Variants in PLD1 observed in about 807,000 individuals in gnomAD.
The protein encoded by PLD1 is phospholipase D1.
Under a neutral mutation model 137.1 loss-of-function variants are expected in PLD1, and 112 were observed. The ratio of observed to expected loss-of-function variants is 0.82; its 90% CI spans 0.70 to 0.96. PLD1 has a LOEUF of 0.96. PLD1 is among the 40% of genes least tolerant of loss of function. The pLI is 0.00. For synonymous variants in PLD1, 431 were observed against 454.7 expected (o/e 0.95, Z 0.66); for missense variants, 1,321 against 1,342.0 (o/e 0.98, Z 0.24).
At chr3:171,625,887 C>T (rs1734062010) in intron 23 of PLD1, among the ~76,000 whole-genome samples, 1 of 152,112 alleles carries the variant, frequency 6.6e-6, no homozygotes, top group Admixed American at 6.5e-5. Context: ...GTACATAAAA[C>T]CACAAAGATG....
At position 171,669,628 on chromosome 3, in the gene PLD1, T is replaced by C. The variant is rs948265942; in HGVS notation, c.2229+4872A>G. On this transcript the variant is annotated intron_variant, in intron 19 of 26. Transcript: ENST00000351298. ...ATTGGCCAGGCTGGTCTCGAACTCC[T>C]GACCTCAAGTAATCCACCTGCCTTG... Among the ~76,000 whole-genome samples, 6 of 152,376 alleles carry C rather than the reference T, an allele frequency of 3.9e-5. No individual in the cohort carries two copies. In the South Asian group the frequency reaches 1.2e-3, roughly 32 times the overall value.
chr3:171,641,892 T>C (rs772411946), intron 23 of PLD1, among the ~76,000 whole-genome samples: 14 of 152,222 alleles, frequency 9.2e-5, no homozygotes, highest in Non-Finnish European at 1.9e-4. Flanking sequence ...TCTTCTTGCC[T>C]TCTGGATAAA....
At chr3:171,746,829 A>G (rs1286901519) in intron 1 of PLD1, among the ~76,000 whole-genome samples, 1 of 152,214 alleles carries the variant, frequency 6.6e-6, no homozygotes, top group African/African-American at 2.4e-5. Context: ...TAAGGCAATA[A>G]AAGCAGGCTG....
chr3:171,731,243 T>C lies in PLD1; in HGVS notation c.606+2201A>G, dbSNP rs191055898. Among the ~76,000 whole-genome samples the C allele has an allele frequency of 1.3e-5, 2 of 152,338 alleles. 1 individual carries two copies. Among genetic ancestry groups the C allele is most frequent in the Admixed American group, 1.3e-4 (2 of 15,308 alleles). On this transcript the variant is annotated intron_variant, in intron 6 of 26. Coordinates refer to ENST00000351298, the MANE Select transcript of PLD1 (RefSeq NM_002662.5). ...GTTAAAATAACTTTTAATATGCTTTTTACAGACAGTAAAGCATTTTTTAAC... is the reference window on the plus strand; with the variant it reads ...GTTAAAATAACTTTTAATATGCTTTCTACAGACAGTAAAGCATTTTTTAAC...
At chr3:171,809,790 GGAA>G (rs1049127133) in intron 1 of PLD1, 4 of 152,298 alleles carry the variant, frequency 2.6e-5, no homozygotes, top group South Asian at 4.1e-4. Flanking sequence ...CGTATTGTGA[GGAA>G]GAAGACCTTT....
chr3:171,714,048 G>A lies in PLD1; in HGVS notation c.759-3C>T, dbSNP rs1472159233. 6.4e-7 allele frequency: 1 copy of A among 1,566,782 alleles called. No individual in the cohort carries two copies. The highest frequency in any genetic ancestry group is 1.4e-5 in the African/African-American group (1 of 73,738). ...AGGAATCTTTCACTATTAACCATCT[G>A]TAAGAAGGTAGTAAGTATTTTTAAA... is the stretch of plus-strand genomic sequence containing the variant. On this transcript the variant is annotated splice_polypyrimidine_tract_variant and splice_region_variant and intron_variant, in intron 8 of 26. Coordinates refer to ENST00000351298, the MANE Select transcript of PLD1 (RefSeq NM_002662.5).
At chr3:171,737,458 G>T in intron 3 of PLD1, 74 bp downstream of exon 3, 1 of 1,266,996 alleles carries the variant, frequency 7.9e-7, no homozygotes. Context: ...CTAAGAGGGA[G>T]GAAAATGAAA....
chr3:171,620,753 T>TA (rs1247955834), intron 23 of PLD1, among the ~76,000 whole-genome samples: 1 of 138,204 alleles, frequency 7.2e-6, no homozygotes, highest in African/African-American at 3.0e-5. Context: ...TATATATATA[T>TA]ATATATATAT....
At chr3:171,708,874 AAAAAG>A (rs1373322207) in intron 10 of PLD1, 36 bp from the exon 11 acceptor site, 6 of 1,321,770 alleles carry the variant, frequency 4.5e-6, no homozygotes, top group Admixed American at 1.8e-5. Flanking sequence ...TTTGTTATTA[AAAAAG>A]AAAAGAAAAG....
chr3:171,636,541 A>T (rs1735147298), intron 23 of PLD1, among the ~76,000 whole-genome samples: 1 of 151,850 alleles, frequency 6.6e-6, no homozygotes, highest in African/African-American at 2.4e-5. Context: ...TTTAAATCGA[A>T]TTGTTTTCTT....
chr3:171,679,340 T>TA (rs1383800529), intron 16 of PLD1, among the ~76,000 whole-genome samples: 2 of 152,328 alleles, frequency 1.3e-5, no homozygotes, highest in East Asian at 1.9e-4. Context: ...GAAATCATGT[T>TA]AAAAATAGAC....
At chr3:171,691,906 T>C (rs926456148) in intron 13 of PLD1, among the ~76,000 whole-genome samples, 1 of 152,214 alleles carries the variant, frequency 6.6e-6, no homozygotes, top group African/African-American at 2.4e-5. Flanking sequence ...ACTTTATTAG[T>C]ATTTTATACT....
intron 12 of PLD1, among the ~76,000 whole-genome samples, chr3:171,693,363 T>C (rs545123882): frequency 6.6e-6 from 1 of 152,074 alleles, no homozygotes; most frequent in African/African-American, 2.4e-5. Flanking sequence ...CAATAGCTAA[T>C]AGTATAGAAA....
intron 1 of PLD1, among the ~76,000 whole-genome samples, chr3:171,784,170 C>T (rs1722901424): frequency 6.6e-6 from 1 of 152,080 alleles, no homozygotes; most frequent in Non-Finnish European, 1.5e-5. Flanking sequence ...AACAAATTGG[C>T]TATCAGAGAA....
chr3:171,684,411 T>C (rs1714341032), intron 16 of PLD1, among the ~76,000 whole-genome samples: 1 of 152,102 alleles, frequency 6.6e-6, no homozygotes, highest in Non-Finnish European at 1.5e-5. Context: ...GCATGCACTC[T>C]TGACCTGGCT....
At chr3:171,689,921 G>A (rs575155133) in intron 13 of PLD1, among the ~76,000 whole-genome samples, 1 of 152,314 alleles carries the variant, frequency 6.6e-6, no homozygotes, top group South Asian at 2.1e-4. Flanking sequence ...ATGAGTTAGA[G>A]AGTCTTCTCT....
chr3:171,758,087 TG>T (rs553768490), intron 1 of PLD1, among the ~76,000 whole-genome samples: 19 of 152,236 alleles, frequency 1.2e-4, no homozygotes, highest in Admixed American at 3.3e-4. Flanking sequence ...ATGCCAGGCA[TG>T]TGGTAGATGT....
intron 3 of PLD1, 77 bp downstream of exon 3, chr3:171,737,455 G>T (rs1361645783): frequency 1.6e-6 from 2 of 1,214,714 alleles, no homozygotes; most frequent in African/African-American, 1.5e-5. Flanking sequence ...TAGCTAAGAG[G>T]GAGGAAAATG....
Position 171,659,254 on chromosome 3 carries a change from C to T in PLD1, c.2388G>A (p.Lys796=). ...TCCTCTGGGCAATGGCATCGCCTAT[C>T]TTGTTGAACACAACTTTGTCATCAG... The part of the protein sequence containing the change: ...SCADDKVVFN[K]IGDAIAQRIL... The change falls in exon 21 of 27, where the codon AAG becomes AAA. Residue 796 remains lysine, a synonymous_variant. Coordinates refer to ENST00000351298, the MANE Select transcript of PLD1 (RefSeq NM_002662.5). 6.2e-7 allele frequency: 1 copy of T among 1,613,832 alleles called. No individual in the cohort carries two copies.
Sources: allele counts gnomAD v4.1 joint callset (sites outside exome capture counted in the v4.1 genomes callset), GRCh38; gene constraint gnomAD v4.1.1; transcripts MANE v1.5; gene names NCBI Gene and HGNC (gene_info 2026-07-23, HGNC 2026-07-21).